Variants in DDX10 observed in about 807,000 individuals in gnomAD.
The protein encoded by DDX10 is probable ATP-dependent RNA helicase DDX10.
In DDX10, 74 loss-of-function variants were observed where a neutral mutation model predicts 104.3. The ratio of observed to expected loss-of-function variants is 0.71; its 90% confidence interval spans 0.59 to 0.86. DDX10 has a LOEUF of 0.86. DDX10 is among the 40% of genes least tolerant of loss of function. The pLI, the probability that DDX10 is intolerant of heterozygous loss-of-function variation, is 0.00. For missense variants in DDX10, 952 were observed against 1,040.0 expected, an observed-to-expected ratio of 0.92 and a Z score of 1.16; for synonymous variants, 351 against 353.4, an observed-to-expected ratio of 0.99 and a Z score of 0.08.
intron 7 of DDX10, among the ~76,000 whole-genome samples, chr11:108,689,965 C>A (rs1357559315): frequency 6.6e-6 from 1 of 151,986 alleles, no homozygotes; most frequent in African/African-American, 2.4e-5. Flanking sequence ...CCTGTAATCC[C>A]AGCACTTTAA....
At chr11:108,758,614 G>A (rs371817192) in intron 13 of DDX10, among the ~76,000 whole-genome samples, 1 of 151,992 alleles carries the variant, frequency 6.6e-6, no homozygotes, top group African/African-American at 2.4e-5. Context: ...CCCTTTCCTT[G>A]TCTTTTTCCA....
At chr11:108,730,822 A>G (rs2094311137) in intron 13 of DDX10, among the ~76,000 whole-genome samples, 1 of 149,146 alleles carries the variant, frequency 6.7e-6, no homozygotes, top group Non-Finnish European at 1.5e-5. Context: ...AAGAAGTTCT[A>G]TCTTTAAAGT....
intron 10 of DDX10, among the ~76,000 whole-genome samples, chr11:108,707,130 C>T (rs2094277243): frequency 1.3e-5 from 2 of 152,106 alleles, no homozygotes; most frequent in Non-Finnish European, 2.9e-5. Flanking sequence ...TCACCAAGGT[C>T]CATAGTTTAC....
At chr11:108,797,757 C>A (rs191257559) in intron 13 of DDX10, among the ~76,000 whole-genome samples, 1 of 152,252 alleles carries the variant, frequency 6.6e-6, no homozygotes, top group East Asian at 1.9e-4. Flanking sequence ...ATTTGCTGAC[C>A]TTTTCAAATG....
chr11:108,755,966 C>CTTCCCTCT (rs200458750), intron 13 of DDX10, among the ~76,000 whole-genome samples: 74 of 151,404 alleles, frequency 4.9e-4, no homozygotes, highest in African/African-American at 9.2e-4. Context: ...CTTCCTCCCC[C>CTTCCCTCT]TTCCCTCTTT....
At chr11:108,879,248 C>G (rs946953216) in intron 16 of DDX10, among the ~76,000 whole-genome samples, 5 of 152,148 alleles carry the variant, frequency 3.3e-5, no homozygotes, top group Non-Finnish European at 7.4e-5. Flanking sequence ...GATCTGCCTG[C>G]CTCGGCCTCC....
intron 13 of DDX10, among the ~76,000 whole-genome samples, chr11:108,803,723 A>G (rs1862058308): frequency 6.6e-6 from 1 of 152,122 alleles, no homozygotes; most frequent in South Asian, 2.1e-4. Flanking sequence ...GTGTAATTTT[A>G]TGTCCTTTTT....
intron 13 of DDX10, among the ~76,000 whole-genome samples, chr11:108,798,943 G>A (rs1217843502): frequency 6.6e-6 from 1 of 152,044 alleles, no homozygotes; most frequent in Non-Finnish European, 1.5e-5. Flanking sequence ...TATGAAAAAT[G>A]TATCTTTTTG....
Position 108,779,018 on chromosome 11 carries a change from A to G in DDX10, c.1965+55556A>G, listed in dbSNP as rs554132942. Among the ~76,000 whole-genome samples, 498 of 152,360 alleles carry G rather than the reference A, an allele frequency of 3.3e-3. 3 individuals carry two copies. The highest frequency in any genetic ancestry group is 0.011 in the African/African-American group (475 of 41,584). On this transcript the variant is annotated intron_variant, in intron 13 of 17. Coordinates refer to ENST00000322536, the MANE Select transcript of DDX10 (RefSeq NM_004398.4). Reference sequence around the variant, plus strand: ...TCTCACACCAGTTAGAATGGCAATCATTAAAAAGTCAGGAAACAACAGGTG... The same window carrying G: ...TCTCACACCAGTTAGAATGGCAATCGTTAAAAAGTCAGGAAACAACAGGTG...
At chr11:108,923,037 T>G (rs1199508166) in intron 17 of DDX10, among the ~76,000 whole-genome samples, 1 of 152,212 alleles carries the variant, frequency 6.6e-6, no homozygotes, top group African/African-American at 2.4e-5. Context: ...ATCTTATATA[T>G]TGGTATAGGC....
At chr11:108,708,505 T>C (rs185932086) in intron 10 of DDX10, among the ~76,000 whole-genome samples, 1 of 152,196 alleles carries the variant, frequency 6.6e-6, no homozygotes, top group East Asian at 1.9e-4. Flanking sequence ...GTGCTAATAA[T>C]GTAAATGGTA....
intron 13 of DDX10, among the ~76,000 whole-genome samples, chr11:108,783,524 C>G (rs1048356511): frequency 1.3e-5 from 2 of 152,064 alleles, no homozygotes; most frequent in Admixed American, 6.6e-5. Context: ...TTTGGATGTA[C>G]AAACTGGGAG....
intron 13 of DDX10, among the ~76,000 whole-genome samples, chr11:108,799,319 C>A (rs1324440345): frequency 6.6e-6 from 1 of 152,202 alleles, no homozygotes; most frequent in Non-Finnish European, 1.5e-5. Context: ...CTCCCTGCAT[C>A]CCCATCAAAT....
At chr11:108,810,131 A>G (rs907905949) in intron 13 of DDX10, among the ~76,000 whole-genome samples, 4 of 152,162 alleles carry the variant, frequency 2.6e-5, no homozygotes, top group Admixed American at 6.5e-5. Flanking sequence ...TAGATGGACA[A>G]TTTCACTACA....
chr11:108,673,874 AT>A (rs1302310848), intron 2 of DDX10, among the ~76,000 whole-genome samples: 1 of 152,138 alleles, frequency 6.6e-6, no homozygotes, highest in Admixed American at 6.5e-5. Flanking sequence ...ACAGAGACTG[AT>A]TTTCTCACAG....
At chr11:108,812,247 T>G (rs1483125210) in intron 13 of DDX10, among the ~76,000 whole-genome samples, 1 of 152,214 alleles carries the variant, frequency 6.6e-6, no homozygotes, top group Non-Finnish European at 1.5e-5. Flanking sequence ...CTTCTTGGAT[T>G]TGTTAAACAA....
At chr11:108,665,695 A>C (rs1350438712) in intron 1 of DDX10, among the ~76,000 whole-genome samples, 1 of 152,088 alleles carries the variant, frequency 6.6e-6, no homozygotes, top group Non-Finnish European at 1.5e-5. Flanking sequence ...ACTTGATCTG[A>C]GGTATGGATA....
chr11:108,701,171 C>G (rs1030647027), intron 9 of DDX10, among the ~76,000 whole-genome samples: 6 of 151,996 alleles, frequency 3.9e-5, no homozygotes, highest in Non-Finnish European at 7.4e-5. Context: ...GTCAGACATT[C>G]CATAAGTCAG....
intron 15 of DDX10, 38 bp downstream of exon 15, chr11:108,841,514 T>G: frequency 6.3e-7 from 1 of 1,589,736 alleles, no homozygotes; most frequent in Non-Finnish European, 8.6e-7. Flanking sequence ...GAGTAAAATT[T>G]AGTGTCCCGA....
Sources: gnomAD v4.1 joint callset for allele counts (sites outside exome capture counted in the v4.1 genomes callset) on GRCh38, gnomAD v4.1.1 for gene constraint, MANE v1.5 for transcripts, NCBI Gene and HGNC (gene_info 2026-07-23, HGNC 2026-07-21) for gene names.